The following CPAMD8 variants were observed in gnomAD, a reference collection of about 807,000 sequenced individuals.
CPAMD8 encodes the protein C3 and PZP-like alpha-2-macroglobulin domain-containing protein 8.
A neutral mutation model predicts 224.7 loss-of-function variants in CPAMD8; 146 were observed. The ratio of observed to expected loss-of-function variants is 0.65; its 90% CI spans 0.57 to 0.75. CPAMD8 has a LOEUF of 0.75. Among genes scored for constraint, CPAMD8 ranks in the 30% least tolerant of loss-of-function variants. CPAMD8 has a pLI of 0.00. For missense variants in CPAMD8, 2,301 were observed against 2,537.5 expected (o/e 0.91, Z 2.00); for synonymous variants, 966 against 1,044.6 (o/e 0.92, Z 1.45).
At chr19:16,900,550 A>G (rs780828374) in intron 36 of CPAMD8, among the ~76,000 whole-genome samples, 1 of 152,064 alleles carries the variant, frequency 6.6e-6, no homozygotes, top group African/African-American at 2.4e-5. Flanking sequence ...GTGAGCTGAG[A>G]TTGTGCCATT....
At chr19:16,896,716 G>T in intron 39 of CPAMD8, 51 bp from the exon 40 acceptor site, 4 of 1,275,740 alleles carry the variant, frequency 3.1e-6, no homozygotes, top group Non-Finnish European at 4.1e-6. Context: ...CCTTGCCCGC[G>T]CCCCCACAGA....
intron 14 of CPAMD8, among the ~76,000 whole-genome samples, chr19:16,979,144 C>A (rs1255268400): frequency 6.6e-6 from 1 of 151,878 alleles, no homozygotes; most frequent in East Asian, 1.9e-4. Context: ...ATTCATCCAT[C>A]CATCATCCAC....
In CPAMD8 at chr19:16,964,239, A is replaced by G. The variant is rs570202892; in HGVS notation, c.2214-6324T>C. Among the ~76,000 whole-genome samples the G allele has an allele frequency of 4.6e-5, 7 of 152,328 alleles. 1 individual carries two copies. The South Asian group carries it at 6.2e-4, about 14-fold the overall frequency. On this transcript the variant is annotated intron_variant, in intron 18 of 41. Transcript: ENST00000443236. ...ACACAAAAACCCTTCAAAAAAATCAATGAATCCAGGAGCTGGTTTTTTGAA... is the reference window on the plus strand; with the variant it reads ...ACACAAAAACCCTTCAAAAAAATCAGTGAATCCAGGAGCTGGTTTTTTGAA...
Position 16,938,484 on chromosome 19 carries a change from G to C in CPAMD8, c.2794-38C>G, listed in dbSNP as rs113095063. ...AACAAGGAGAACTGAGTGCTGGGGC[G>C]GTGAGGGGGATGGTCAGCTCAGCGG... On this transcript the variant is annotated intron_variant, in intron 22 of 41. Coordinates refer to ENST00000443236, the MANE Select transcript of CPAMD8 (RefSeq NM_015692.5). 2,232 of 1,316,458 alleles carry C rather than the reference G, an allele frequency of 1.7e-3. 34 individuals carry two copies. In the African/African-American group the frequency reaches 0.028, roughly 17 times the overall value. 81.5% of individuals were successfully genotyped at this position (1,316,458 alleles called of 1,614,324 possible).
intron 41 of CPAMD8, chr19:16,894,397 G>A (rs1225980743): frequency 2.2e-6 from 1 of 456,532 alleles, no homozygotes; most frequent in Non-Finnish European, 4.4e-6. Flanking sequence ...GTGTCGTCCT[G>A]CTCTCAGCAG....
chr19:17,002,858 C>T (rs936574941), intron 8 of CPAMD8, among the ~76,000 whole-genome samples: 1 of 151,732 alleles, frequency 6.6e-6, no homozygotes, highest in African/African-American at 2.4e-5. Context: ...TGAGAGAACT[C>T]TTGTAGGAGC....
At position 17,002,337 on chromosome 19, in the gene CPAMD8, A is replaced by G. The variant is rs3745345; in HGVS notation, c.687T>C (p.Phe229=). ...FEVQKYVLPK[F]ELLIDPPRYI... is the part of the protein sequence containing the mutation. Reference sequence around the variant, plus strand: ...ACCGGGGCGGGTCAATCAGAAGCTCAAACTTGGGCAACACTGAAGAAAGCA... The same window carrying G: ...ACCGGGGCGGGTCAATCAGAAGCTCGAACTTGGGCAACACTGAAGAAAGCA... Residue 229 remains phenylalanine, a synonymous_variant, in exon 9 of 42, where the codon TTT becomes TTC. Coordinates refer to ENST00000443236, the MANE Select transcript of CPAMD8 (RefSeq NM_015692.5). 245,235 of 1,601,100 alleles carry G rather than the reference A, an allele frequency of 0.15. 20,897 individuals carry two copies. Among genetic ancestry groups the G allele is most frequent in the African/African-American group, 0.34 (25,140 of 74,522 alleles).
intron 7 of CPAMD8, among the ~76,000 whole-genome samples, chr19:17,007,910 G>C (rs904889659): frequency 1.3e-5 from 2 of 152,262 alleles, no homozygotes; most frequent in African/African-American, 4.8e-5. Flanking sequence ...GCTCACGCCT[G>C]TAATCCCACC....
Position 16,947,342 on chromosome 19 carries a change from A to G in CPAMD8, c.2509-115T>C, listed in dbSNP as rs1330034937. On this transcript the variant is annotated intron_variant, in intron 20 of 41. Coordinates refer to ENST00000443236, the MANE Select transcript of CPAMD8 (RefSeq NM_015692.5). ...ACACACCAGACTTGTCAGCCTCCCA[A>G]AGAGCCATGCTCCCCCCGGGAAGGT... 3.1e-6 allele frequency: 4 copies of G among 1,272,028 alleles called. No individual in the cohort carries two copies. In the African/African-American group the frequency reaches 6.0e-5, roughly 19 times the overall value. The allele number at this position is 1,272,028 out of a possible 1,614,324, so 78.8% of individuals were successfully genotyped here.
At chr19:16,895,687 T>A (rs1568441592) in intron 41 of CPAMD8, 1 of 346,968 alleles carries the variant, frequency 2.9e-6, no homozygotes, top group African/African-American at 2.1e-5. Flanking sequence ...TCTGAAATGT[T>A]CCAAAATCCA....
intron 18 of CPAMD8, among the ~76,000 whole-genome samples, chr19:16,967,582 G>A (rs1003614788): frequency 4.6e-5 from 7 of 151,892 alleles, no homozygotes; most frequent in South Asian, 2.1e-4. Context: ...CAAGGCTGGC[G>A]GATCATGAGG....
intron 14 of CPAMD8, among the ~76,000 whole-genome samples, chr19:16,979,604 G>GACCA (rs1568556815): frequency 6.7e-6 from 1 of 149,326 alleles, no homozygotes. Flanking sequence ...TGTTCTATCA[G>GACCA]TCCATCCATC....
chr19:16,936,220 GC>G (rs1599733623), intron 23 of CPAMD8, among the ~76,000 whole-genome samples: 1 of 151,348 alleles, frequency 6.6e-6, no homozygotes, highest in East Asian at 2.0e-4. Context: ...GAGCCACTGC[GC>G]CCAGCTCTAT....
intron 29 of CPAMD8, among the ~76,000 whole-genome samples, chr19:16,911,366 C>CTT (rs151247793): frequency 1.4e-4 from 20 of 141,976 alleles, no homozygotes; most frequent in Admixed American, 9.2e-4. Context: ...TTTTTTTGTT[C>CTT]TTTTTTTTTT....
rs762321466 is a variant in CPAMD8, at chr19:16,925,339, T to C, written c.3404A>G (p.Asn1135Ser). ...DVMGPTLNHL[N>S]NLLRLPFGCG... ...GCCAAACGGCAGCCGCAGGAGGTTGTTGAGGTGGTTCAGGGTTGGCCCCAT... is the reference window on the plus strand; with the variant it reads ...GCCAAACGGCAGCCGCAGGAGGTTGCTGAGGTGGTTCAGGGTTGGCCCCAT... Residue 1135 changes from asparagine (N) to serine (S), a missense_variant, in exon 26 of 42, where the codon AAC (asparagine) becomes AGC (serine). Asn to Ser is a conservative substitution (Grantham distance 46). Around this residue, in one of 4 missense-constraint regions of CPAMD8, gnomAD observed 1,709 missense variants for 1,753.2 expected, o/e 0.97. Coordinates refer to ENST00000443236, the MANE Select transcript of CPAMD8 (RefSeq NM_015692.5). 1.2e-6 allele frequency: 2 copies of C among 1,614,226 alleles called. No individual in the cohort carries two copies. The highest frequency in any genetic ancestry group is 1.7e-6 in the Non-Finnish European group (2 of 1,180,038).
intron 12 of CPAMD8, among the ~76,000 whole-genome samples, chr19:16,990,593 G>A (rs59665139): frequency 0.39 from 59,664 of 151,694 alleles, 12,118 homozygotes; most frequent in East Asian, 0.49. Context: ...GGCCAGGCGC[G>A]ATGGCTCACG....
chr19:17,000,244 A>G (rs2056266700), intron 10 of CPAMD8, 170 bp downstream of exon 10: 1 of 515,154 alleles, frequency 1.9e-6, no homozygotes, highest in Admixed American at 3.4e-5. Context: ...GCTTGAGCCC[A>G]GGAGTTCAAG....
At chr19:16,994,762 C>T (rs1262299712) in intron 11 of CPAMD8, among the ~76,000 whole-genome samples, 2 of 152,076 alleles carry the variant, frequency 1.3e-5, no homozygotes, top group African/African-American at 4.8e-5. Flanking sequence ...TCAAGCAATC[C>T]TCCCACCTTG....
chr19:16,901,163 ATTG>A, intron 36 of CPAMD8, 44 bp downstream of exon 36: 1 of 1,391,026 alleles, frequency 7.2e-7, no homozygotes, highest in South Asian at 1.2e-5. Flanking sequence ...AGCCCTACCT[ATTG>A]TTCAGAGATC....
Sources: allele counts gnomAD v4.1 joint callset (sites outside exome capture counted in the v4.1 genomes callset), GRCh38; gene constraint gnomAD v4.1.1; regional missense constraint gnomAD v4.1.1; transcripts MANE v1.5; gene names NCBI Gene and HGNC (gene_info 2026-07-23, HGNC 2026-07-21).